CDH18: variants seen among roughly 807,000 people sequenced by gnomAD.
CDH18 encodes the protein cadherin 18, also known as cadherin-18.
In CDH18, 31 loss-of-function variants were observed where a neutral mutation model predicts 67.9. The observed-to-expected ratio is 0.46, with a 90% CI of 0.34 to 0.62. The LOEUF is 0.62. Among genes scored for constraint, CDH18 ranks in the 20% least tolerant of loss-of-function variants. The probability of loss-of-function intolerance (pLI) is 0.01; values close to 1 mark genes in which losing one functional copy is unlikely to be tolerated. For missense variants in CDH18, 890 were observed against 975.5 expected (o/e 0.91, Z 1.17); for synonymous variants, 362 against 347.2 (o/e 1.04, Z -0.48).
intron 3 of CDH18, among the ~76,000 whole-genome samples, chr5:19,774,391 C>CA (rs552268211): frequency 7.2e-4 from 56 of 77,830 alleles, no homozygotes; most frequent in African/African-American, 1.8e-3. Context: ...CCAGCCTGGG[C>CA]AAAAAACTGA....
intron 1 of CDH18, among the ~76,000 whole-genome samples, chr5:20,524,032 G>T (rs115082228): frequency 6.6e-6 from 1 of 152,044 alleles, no homozygotes; most frequent in Non-Finnish European, 1.5e-5. Context: ...TGTGTTAAAC[G>T]GAGATAAATT....
At position 19,506,741 on chromosome 5, in the gene CDH18, A is replaced by G. The variant is rs528752476; in HGVS notation, c.1513-3632T>C. Among the ~76,000 whole-genome samples the G allele has an allele frequency of 3.3e-5, 5 of 152,354 alleles. No homozygotes were observed. The South Asian group carries it at 1.0e-3, about 32-fold the overall frequency. ...ACTGGATCCCTTCCTTACACCTTAT[A>G]CAAAAATTAATTCAAGATGGATTAA... On this transcript the variant is annotated intron_variant, in intron 10 of 12. Coordinates refer to ENST00000382275, the MANE Select transcript of CDH18 (RefSeq NM_004934.5).
intron 1 of CDH18, among the ~76,000 whole-genome samples, chr5:20,335,220 T>C (rs1251632159): frequency 6.6e-6 from 1 of 152,116 alleles, no homozygotes; most frequent in Non-Finnish European, 1.5e-5. Context: ...GGTGGACTTC[T>C]TCTTGTTTTT....
intron 12 of CDH18, among the ~76,000 whole-genome samples, chr5:19,483,043 T>C (rs762503634): frequency 3.3e-5 from 5 of 152,202 alleles, no homozygotes; most frequent in Non-Finnish European, 7.3e-5. Context: ...TATTTTAATA[T>C]TAATTCTTTC....
chr5:20,279,699 C>CAAAAA (rs1189257278), intron 1 of CDH18, among the ~76,000 whole-genome samples: 179 of 13,560 alleles, frequency 0.013, 17 homozygotes, highest in African/African-American at 0.031. Flanking sequence ...AGCTCTGTCT[C>CAAAAA]AAAAAAAAAA....
At chr5:20,068,263 T>C (rs566709234) in intron 2 of CDH18, among the ~76,000 whole-genome samples, 4 of 152,166 alleles carry the variant, frequency 2.6e-5, no homozygotes, top group Non-Finnish European at 4.4e-5. Context: ...TCATGTACAA[T>C]ATCGCACAGA....
At chr5:19,598,630 A>T (rs550834301) in intron 6 of CDH18, among the ~76,000 whole-genome samples, 1 of 152,272 alleles carries the variant, frequency 6.6e-6, no homozygotes, top group African/African-American at 2.4e-5. Flanking sequence ...ACTAAATGAT[A>T]ATTGTATTTT....
At chr5:20,171,377 T>C (rs1159175241) in intron 2 of CDH18, among the ~76,000 whole-genome samples, 1 of 152,134 alleles carries the variant, frequency 6.6e-6, no homozygotes, top group African/African-American at 2.4e-5. Flanking sequence ...AGCCAGCATC[T>C]ATTATTTTTC....
At chr5:20,084,386 T>C (rs2150548679) in intron 2 of CDH18, among the ~76,000 whole-genome samples, 1 of 152,330 alleles carries the variant, frequency 6.6e-6, no homozygotes, top group East Asian at 1.9e-4. Context: ...TTTTGCAGGG[T>C]ACAGCCTCTC....
intron 2 of CDH18, among the ~76,000 whole-genome samples, chr5:20,204,969 A>T (rs969580909): frequency 6.6e-6 from 1 of 151,980 alleles, no homozygotes; most frequent in Non-Finnish European, 1.5e-5. Flanking sequence ...AAACTTAACC[A>T]CAAAGAAAAA....
chr5:19,573,613 A>C (rs975845576), intron 7 of CDH18, among the ~76,000 whole-genome samples: 1 of 152,174 alleles, frequency 6.6e-6, no homozygotes, highest in East Asian at 1.9e-4. Flanking sequence ...TCCACACATT[A>C]AACTTTTTCT....
intron 1 of CDH18, among the ~76,000 whole-genome samples, chr5:20,519,690 G>A (rs559178779): frequency 2.7e-5 from 4 of 149,252 alleles, no homozygotes; most frequent in Non-Finnish European, 5.9e-5. Context: ...TTGTGAGATT[G>A]TTTGCGGTTG....
At chr5:20,294,471 T>C (rs1440973284) in intron 1 of CDH18, among the ~76,000 whole-genome samples, 1 of 152,190 alleles carries the variant, frequency 6.6e-6, no homozygotes, top group Non-Finnish European at 1.5e-5. Context: ...GATGGGAGGC[T>C]AAGGGAATGT....
At chr5:19,699,122 T>C (rs1039096678) in intron 5 of CDH18, among the ~76,000 whole-genome samples, 3 of 152,160 alleles carry the variant, frequency 2.0e-5, no homozygotes, top group Non-Finnish European at 2.9e-5. Context: ...GTAATCAGAA[T>C]TTTTATGTAA....
chr5:20,548,582 T>A (rs1425981512), intron 1 of CDH18, among the ~76,000 whole-genome samples: 3 of 152,140 alleles, frequency 2.0e-5, no homozygotes, highest in Non-Finnish European at 4.4e-5. Context: ...CTCACAGAAG[T>A]TGTTCTTTCC....
At chr5:19,682,069 G>C (rs896105271) in intron 5 of CDH18, among the ~76,000 whole-genome samples, 1 of 151,932 alleles carries the variant, frequency 6.6e-6, no homozygotes, top group African/African-American at 2.4e-5. Flanking sequence ...TGACCATTTG[G>C]AAGCTATTAT....
chr5:20,102,904 G>C (rs1258418415), intron 2 of CDH18, among the ~76,000 whole-genome samples: 1 of 152,074 alleles, frequency 6.6e-6, no homozygotes, highest in Non-Finnish European at 1.5e-5. Context: ...AAAAGTGTTA[G>C]TTTATTGGCT....
chr5:19,765,543 G>T (rs1269799465), intron 3 of CDH18, among the ~76,000 whole-genome samples: 1 of 151,862 alleles, frequency 6.6e-6, no homozygotes. Flanking sequence ...ACATCTTCTG[G>T]TTATTGAATA....
chr5:19,478,587 A>G (rs1738884612), intron 12 of CDH18: 1 of 152,182 alleles, frequency 6.6e-6, no homozygotes, highest in South Asian at 2.1e-4. Flanking sequence ...ATTTATCAGG[A>G]AATTTATATC....
Sources: gnomAD v4.1 joint callset for allele counts (sites outside exome capture counted in the v4.1 genomes callset) on GRCh38, gnomAD v4.1.1 for gene constraint, MANE v1.5 for transcripts, NCBI Gene and HGNC (gene_info 2026-07-23, HGNC 2026-07-21) for gene names.